The following GLIS3 variants were observed in gnomAD, a reference collection of about 807,000 sequenced individuals.
The protein encoded by GLIS3 is GLIS family zinc finger 3.
In GLIS3, 53 loss-of-function variants were observed where a neutral mutation model predicts 78.6. The observed-to-expected ratio is 0.67, with a 90% CI of 0.54 to 0.85. The LOEUF (loss-of-function observed/expected upper bound fraction) is 0.85, where lower values mean the gene tolerates loss of function less well. Among genes scored for constraint, GLIS3 ranks in the 40% least tolerant of loss-of-function variants. The probability of loss-of-function intolerance (pLI) is 0.00; values close to 1 mark genes in which losing one functional copy is unlikely to be tolerated. For missense variants in GLIS3, 1,703 were observed against 1,231.1 expected (o/e 1.38, Z -5.74); for synonymous variants, 684 against 509.9 (o/e 1.34, Z -4.60).
intron 9 of GLIS3, among the ~76,000 whole-genome samples, chr9:3,844,927 G>A (rs759912920): frequency 6.6e-6 from 1 of 152,186 alleles, no homozygotes; most frequent in Non-Finnish European, 1.5e-5. Context: ...CCTGTGATGT[G>A]CTGCTGATGA....
chr9:4,259,273 A>T (rs984708311), intron 2 of GLIS3, among the ~76,000 whole-genome samples: 11 of 127,826 alleles, frequency 8.6e-5, no homozygotes, highest in African/African-American at 3.2e-4. Flanking sequence ...TTATTTATTT[A>T]TATTTTCTAA....
intron 4 of GLIS3, among the ~76,000 whole-genome samples, chr9:4,104,702 T>C (rs774663255): frequency 2.0e-5 from 3 of 152,194 alleles, no homozygotes; most frequent in Non-Finnish European, 2.9e-5. Flanking sequence ...TTGATGTTTC[T>C]AGAACACACT....
chr9:3,844,901 G>T (rs7029700), intron 9 of GLIS3, among the ~76,000 whole-genome samples: 3,757 of 152,148 alleles, frequency 0.025, 179 homozygotes, highest in African/African-American at 0.086. Context: ...CTAACATTCA[G>T]TGTGAGGAAA....
At chr9:4,236,774 T>G (rs1167727578) in intron 2 of GLIS3, among the ~76,000 whole-genome samples, 1 of 152,206 alleles carries the variant, frequency 6.6e-6, no homozygotes, top group African/African-American at 2.4e-5. Context: ...AAGTTTCATC[T>G]AATCCCTAAG....
intron 2 of GLIS3, among the ~76,000 whole-genome samples, chr9:4,213,371 G>C (rs1480659071): frequency 6.6e-6 from 1 of 152,068 alleles, no homozygotes; most frequent in Non-Finnish European, 1.5e-5. Flanking sequence ...TCTTTACATA[G>C]CATATACTGT....
upstream of GLIS3, among the ~76,000 whole-genome samples, chr9:4,349,630 A>G (rs1444065582): frequency 2.0e-5 from 3 of 152,234 alleles, no homozygotes; most frequent in East Asian, 5.8e-4. Flanking sequence ...TTACCTTGCA[A>G]ATTACTAGCA....
the GLIS3 span, among the ~76,000 whole-genome samples, chr9:4,384,569 C>T: frequency 1.5e-4 from 22 of 148,572 alleles, no homozygotes; most frequent in East Asian, 3.9e-3. Context: ...AACCTCTTTC[C>T]TTTATATATA....
chr9:4,176,568 A>G (rs993477567), intron 2 of GLIS3, among the ~76,000 whole-genome samples: 2 of 151,100 alleles, frequency 1.3e-5, no homozygotes, highest in Non-Finnish European at 3.0e-5. Flanking sequence ...TTTCACTATT[A>G]AAAAAAAACA....
chr9:4,012,765 C>CTTTTTCTTTTTTTT (rs1822125308), intron 4 of GLIS3, among the ~76,000 whole-genome samples: 1 of 66,476 alleles, frequency 1.5e-5, no homozygotes, highest in African/African-American at 5.5e-5. Flanking sequence ...TTTTCTTTTT[C>CTTTTTCTTTTTTTT]TTTTTTTTTT....
chr9:4,452,274 G>A, the GLIS3 span, among the ~76,000 whole-genome samples: 2 of 152,142 alleles, frequency 1.3e-5, no homozygotes, highest in South Asian at 2.1e-4. Context: ...AGACAAGGAT[G>A]TCCTCTCTCA....
At chr9:4,097,373 C>G (rs1830039058) in intron 4 of GLIS3, among the ~76,000 whole-genome samples, 2 of 152,046 alleles carry the variant, frequency 1.3e-5, no homozygotes, top group African/African-American at 4.8e-5. Flanking sequence ...GGGAAACACA[C>G]AGGCCTAGGT....
At chr9:4,148,135 T>C (rs1834371206) in intron 2 of GLIS3, among the ~76,000 whole-genome samples, 1 of 152,196 alleles carries the variant, frequency 6.6e-6, no homozygotes, top group Non-Finnish European at 1.5e-5. Flanking sequence ...ACATTTAACT[T>C]GAACACCAGG....
intron 4 of GLIS3, among the ~76,000 whole-genome samples, chr9:4,307,674 C>G (rs992739458): frequency 2.6e-5 from 4 of 152,144 alleles, no homozygotes; most frequent in African/African-American, 9.7e-5. Flanking sequence ...GGAGACTATC[C>G]TGGACTGTGG....
rs1345795353 is a variant in GLIS3, at chr9:3,824,970, A to G, written c.*3302T>C. The G allele has an allele frequency of 6.6e-6, 1 of 151,400 alleles. No individual in the cohort carries two copies. Among genetic ancestry groups the G allele is most frequent in the Non-Finnish European group, 1.5e-5 (1 of 67,912 alleles). 9.4% of individuals were successfully genotyped at this position (151,400 alleles called of 1,614,324 possible). A position where few individuals can be genotyped will look rare whatever the true frequency, so the allele number is the denominator to read the frequency against. ...CAGAAATTCCACACCACTAACAAAA[A>G]GTGCTATTTAAAAATGCTTCCATAA... On this transcript the variant is annotated 3_prime_UTR_variant, in exon 11 of 11. Coordinates refer to ENST00000381971, the MANE Select transcript of GLIS3 (RefSeq NM_001042413.2).
At position 4,193,931 on chromosome 9, in the gene GLIS3, G is replaced by A. The variant is rs534232548; in HGVS notation, c.389-67990C>T. On this transcript the variant is annotated intron_variant, in intron 2 of 10. Coordinates refer to ENST00000381971, the MANE Select transcript of GLIS3 (RefSeq NM_001042413.2). ...TTTTGACCAATCATGTGGTAAGCGTGCTTAACAACCAGATGTTGTGGTTCT... is the reference window on the plus strand; with the variant it reads ...TTTTGACCAATCATGTGGTAAGCGTACTTAACAACCAGATGTTGTGGTTCT... 1.1e-4 allele frequency among the ~76,000 whole-genome samples: 16 copies of A among 152,334 alleles called. 1 individual carries two copies. The highest frequency in any genetic ancestry group is 3.8e-4 in the African/African-American group (16 of 41,578).
chr9:3,832,263 T>TA (rs1464481085), intron 9 of GLIS3, among the ~76,000 whole-genome samples: 4 of 151,274 alleles, frequency 2.6e-5, no homozygotes, highest in African/African-American at 9.7e-5. Flanking sequence ...AAATAAAAAA[T>TA]AAAATTATTT....
chr9:3,834,103 T>C (rs1233332733), intron 9 of GLIS3, among the ~76,000 whole-genome samples: 4 of 152,242 alleles, frequency 2.6e-5, no homozygotes, highest in Non-Finnish European at 5.9e-5. Flanking sequence ...TCTAATATCA[T>C]GCATGAGTTT....
the GLIS3 span, among the ~76,000 whole-genome samples, chr9:4,409,647 A>G: frequency 1.3e-5 from 2 of 152,232 alleles, no homozygotes; most frequent in Admixed American, 1.3e-4. Flanking sequence ...AGTAATTTCA[A>G]ACAAATTATG....
the GLIS3 span, among the ~76,000 whole-genome samples, chr9:4,368,832 G>T: frequency 6.6e-6 from 1 of 152,184 alleles, no homozygotes; most frequent in Admixed American, 6.5e-5. Context: ...CTAATTCAAA[G>T]TGGAACTGGT....
Sources: allele counts gnomAD v4.1 joint callset (sites outside exome capture counted in the v4.1 genomes callset), GRCh38; gene constraint gnomAD v4.1.1; transcripts MANE v1.5; gene names NCBI Gene and HGNC (gene_info 2026-07-23, HGNC 2026-07-21).